Variants in C1QTNF3 observed in about 807,000 individuals in gnomAD.
C1QTNF3 encodes C1q and TNF related 3.
C1QTNF3 carries 26 observed loss-of-function variants against 32.6 expected under a neutral mutation model. That is an observed-to-expected ratio of 0.80 (90% confidence interval 0.58 to 1.11). The LOEUF is 1.11. Ranked by LOEUF, C1QTNF3 falls within the 50% of genes least tolerant of loss-of-function variation. The probability of loss-of-function intolerance (pLI) is 0.00; values close to 1 mark genes in which losing one functional copy is unlikely to be tolerated. For synonymous variants in C1QTNF3, 155 were observed against 146.0 expected, an observed-to-expected ratio of 1.06 and a Z score of -0.44; for missense variants, 362 against 398.2, an observed-to-expected ratio of 0.91 and a Z score of 0.77.
the C1QTNF3 span, among the ~76,000 whole-genome samples, chr5:34,116,930 T>C: frequency 6.6e-6 from 1 of 152,176 alleles, no homozygotes; most frequent in Non-Finnish European, 1.5e-5. Context: ...ACTCCAGGTC[T>C]CACGATTGCT....
chr5:34,155,679 T>C, the C1QTNF3 span, among the ~76,000 whole-genome samples: 2 of 152,206 alleles, frequency 1.3e-5, no homozygotes, highest in Admixed American at 6.5e-5. Flanking sequence ...CTTAGGAAGA[T>C]TTTTAAAAAT....
chr5:34,086,718 A>T, the C1QTNF3 span, among the ~76,000 whole-genome samples: 1 of 152,146 alleles, frequency 6.6e-6, no homozygotes, highest in African/African-American at 2.4e-5. Context: ...CAGCATTTGT[A>T]AGAAATAAGC....
At chr5:34,153,970 ATAAT>A in the C1QTNF3 span, among the ~76,000 whole-genome samples, 2 of 151,978 alleles carry the variant, frequency 1.3e-5, no homozygotes, top group East Asian at 1.9e-4. Flanking sequence ...CACATACCAA[ATAAT>A]TAGATAGTAT....
chr5:34,172,880 C>T, the C1QTNF3 span, among the ~76,000 whole-genome samples: 7 of 152,148 alleles, frequency 4.6e-5, no homozygotes, highest in African/African-American at 1.7e-4. Flanking sequence ...TGTTTAATTC[C>T]GGTTTATTTT....
At chr5:34,164,739 AATT>A in the C1QTNF3 span, 2 of 151,972 alleles carry the variant, frequency 1.3e-5, no homozygotes, top group South Asian at 2.1e-4. Flanking sequence ...TATATACAGT[AATT>A]ATTATATACA....
chr5:34,034,821 A>G (rs1754696670), intron 2 of C1QTNF3, among the ~76,000 whole-genome samples: 1 of 152,244 alleles, frequency 6.6e-6, no homozygotes, highest in Admixed American at 6.5e-5. Flanking sequence ...CCAAGCCAGT[A>G]AGTGTAGTTT....
chr5:34,241,681 T>C, the C1QTNF3 span, among the ~76,000 whole-genome samples: 2 of 151,590 alleles, frequency 1.3e-5, no homozygotes, highest in Non-Finnish European at 2.9e-5. Context: ...GGCAGGTATA[T>C]CGCTTGGACC....
At chr5:34,048,289 TGAGAGAGAGA>T in the C1QTNF3 span, among the ~76,000 whole-genome samples, 2 of 141,078 alleles carry the variant, frequency 1.4e-5, no homozygotes, top group Non-Finnish European at 3.0e-5. Flanking sequence ...TGTGTGTGCA[TGAGAGAGAGA>T]GAGAGAGAGA....
the C1QTNF3 span, among the ~76,000 whole-genome samples, chr5:34,071,383 A>G: frequency 6.6e-6 from 1 of 152,324 alleles, no homozygotes; most frequent in East Asian, 1.9e-4. Context: ...AAAAGAATTA[A>G]TATATCAAAC....
intron 2 of C1QTNF3, among the ~76,000 whole-genome samples, chr5:34,035,076 T>C (rs911672769): frequency 1.3e-5 from 2 of 152,134 alleles, no homozygotes; most frequent in African/African-American, 4.8e-5. Context: ...GGGCTACCCT[T>C]TCCTGGACTG....
At chr5:34,175,194 C>G in the C1QTNF3 span, among the ~76,000 whole-genome samples, 1 of 152,194 alleles carries the variant, frequency 6.6e-6, no homozygotes, top group African/African-American at 2.4e-5. Context: ...CAGGCACACA[C>G]CACCACACCT....
the C1QTNF3 span, among the ~76,000 whole-genome samples, chr5:34,064,128 C>T: frequency 6.6e-6 from 1 of 152,188 alleles, no homozygotes. Flanking sequence ...CTTCCCCAGA[C>T]AGCCTCACAC....
chr5:34,194,732 G>C, the C1QTNF3 span, among the ~76,000 whole-genome samples: 46 of 151,546 alleles, frequency 3.0e-4, no homozygotes, highest in Non-Finnish European at 2.2e-4. Context: ...TCAGCCCTCA[G>C]TATCCATGGG....
At chr5:34,203,701 A>T in the C1QTNF3 span, among the ~76,000 whole-genome samples, 1 of 151,992 alleles carries the variant, frequency 6.6e-6, no homozygotes, top group Non-Finnish European at 1.5e-5. Context: ...AAAAAAAAAA[A>T]AGAAAGGTAG....
chr5:34,091,322 A>G, the C1QTNF3 span, among the ~76,000 whole-genome samples: 6 of 152,282 alleles, frequency 3.9e-5, no homozygotes, highest in Non-Finnish European at 5.9e-5. Context: ...AATGTGACCT[A>G]CACAACATTC....
At chr5:34,113,969 T>A in the C1QTNF3 span, among the ~76,000 whole-genome samples, 147,113 of 152,292 alleles carry the variant, frequency 0.97, 71,281 homozygotes, top group East Asian at 1. Flanking sequence ...ACATTCATAA[T>A]TTTCTTTTGA....
chr5:34,129,798 C>T, the C1QTNF3 span, among the ~76,000 whole-genome samples: 2 of 151,792 alleles, frequency 1.3e-5, no homozygotes, highest in African/African-American at 4.8e-5. Context: ...TATTTCTCCC[C>T]ACTAAATAAT....
At chr5:34,236,248 G>C in the C1QTNF3 span, among the ~76,000 whole-genome samples, 1 of 152,072 alleles carries the variant, frequency 6.6e-6, no homozygotes, top group Non-Finnish European at 1.5e-5. Flanking sequence ...GAATCTGTCA[G>C]CTTCTCTTGC....
intron 4 of C1QTNF3, chr5:34,024,397 C>T (rs754281278): frequency 2.2e-4 from 39 of 178,280 alleles, no homozygotes; most frequent in Admixed American, 3.3e-4. Context: ...GGTTGAACAA[C>T]GATGCTCCAT....
Sources: gnomAD v4.1 joint callset for allele counts (sites outside exome capture counted in the v4.1 genomes callset) on GRCh38, gnomAD v4.1.1 for gene constraint, MANE v1.5 for transcripts, NCBI Gene and HGNC (gene_info 2026-07-23, HGNC 2026-07-21) for gene names.